Variants in DNAJC3 observed in about 807,000 individuals in gnomAD.
DNAJC3 encodes the protein dnaJ homolog subfamily C member 3.
Under a neutral mutation model 68.6 loss-of-function variants are expected in DNAJC3, and 38 were observed. The ratio of observed to expected loss-of-function variants is 0.55; its 90% CI spans 0.43 to 0.73. The LOEUF is 0.73. Ranked by LOEUF, DNAJC3 falls within the 30% of genes least tolerant of loss-of-function variation. The pLI is 0.00. For missense variants in DNAJC3, 526 were observed against 591.9 expected (o/e 0.89, Z 1.16); for synonymous variants, 203 against 204.0 (o/e 1.00, Z 0.04).
chr13:95,778,547 A>C (rs1418227444), intron 9 of DNAJC3, among the ~76,000 whole-genome samples: 1 of 152,240 alleles, frequency 6.6e-6, no homozygotes, highest in Non-Finnish European at 1.5e-5. Context: ...CATAAGACAA[A>C]TTTTGAAGAC....
At chr13:95,679,818 A>G (rs768279046) in intron 1 of DNAJC3, among the ~76,000 whole-genome samples, 27 of 152,248 alleles carry the variant, frequency 1.8e-4, no homozygotes, top group Non-Finnish European at 3.7e-4. Context: ...ATACAATACA[A>G]TTCACTTTTA....
chr13:95,789,308 C>T (rs1010290314), intron 11 of DNAJC3, among the ~76,000 whole-genome samples: 1 of 152,270 alleles, frequency 6.6e-6, no homozygotes, highest in East Asian at 1.9e-4. Flanking sequence ...TCCCTCCTCC[C>T]ACCCTTCACC....
intron 4 of DNAJC3, among the ~76,000 whole-genome samples, chr13:95,749,737 A>C (rs1298292295): frequency 6.6e-6 from 1 of 151,970 alleles, no homozygotes; most frequent in East Asian, 2.0e-4. Context: ...GAGTCACAGC[A>C]TAAAGTGCTA....
chr13:95,682,157 T>C (rs1258988925), intron 1 of DNAJC3, among the ~76,000 whole-genome samples: 1 of 152,242 alleles, frequency 6.6e-6, no homozygotes, highest in Non-Finnish European at 1.5e-5. Context: ...GAACTTCCTG[T>C]ACTATCTTTC....
At chr13:95,745,826 C>T (rs1326745363) in intron 4 of DNAJC3, 2 of 152,134 alleles carry the variant, frequency 1.3e-5, no homozygotes, top group Non-Finnish European at 2.9e-5. Context: ...ATTCAATACA[C>T]TTTGAAGAAA....
chr13:95,694,549 C>A (rs939993060), intron 1 of DNAJC3: 3 of 152,528 alleles, frequency 2.0e-5, no homozygotes, highest in African/African-American at 7.2e-5. Flanking sequence ...AATCATTGTA[C>A]TTCAACTATA....
At chr13:95,720,954 C>A (rs1881303443) in intron 2 of DNAJC3, among the ~76,000 whole-genome samples, 1 of 151,384 alleles carries the variant, frequency 6.6e-6, no homozygotes, top group Non-Finnish European at 1.5e-5. Context: ...GTGTACAATT[C>A]AGTGGCATTG....
chr13:95,717,607 A>G (rs1418993453), intron 2 of DNAJC3, among the ~76,000 whole-genome samples: 2 of 152,158 alleles, frequency 1.3e-5, no homozygotes, highest in African/African-American at 2.4e-5. Context: ...CATAATTCCC[A>G]CATGTTGTTG....
At chr13:95,684,627 A>G (rs1880022189) in intron 1 of DNAJC3, among the ~76,000 whole-genome samples, 1 of 152,196 alleles carries the variant, frequency 6.6e-6, no homozygotes, top group African/African-American at 2.4e-5. Flanking sequence ...AGACAATGGG[A>G]AAAAGGGCTC....
intron 1 of DNAJC3, chr13:95,692,976 G>A (rs1880320419): frequency 6.6e-6 from 1 of 152,112 alleles, no homozygotes; most frequent in Admixed American, 6.5e-5. Flanking sequence ...GCCCGCCACT[G>A]GGCCCAGCTA....
intron 11 of DNAJC3, among the ~76,000 whole-genome samples, chr13:95,789,470 C>A (rs779065694): frequency 1.3e-5 from 2 of 152,192 alleles, no homozygotes; most frequent in Non-Finnish European, 2.9e-5. Context: ...CATGCCCCTG[C>A]AAGAGGACAT....
chr13:95,746,667 G>A (rs560849030), intron 4 of DNAJC3, among the ~76,000 whole-genome samples: 2 of 152,158 alleles, frequency 1.3e-5, no homozygotes, highest in Admixed American at 6.5e-5. Context: ...TATGTTCTTG[G>A]TTAAATGAGC....
intron 5 of DNAJC3, among the ~76,000 whole-genome samples, chr13:95,759,236 TTTTC>T (rs1032209170): frequency 4.6e-5 from 7 of 152,136 alleles, no homozygotes; most frequent in African/African-American, 1.4e-4. Context: ...TCACGGTATT[TTTTC>T]TTTCTTTCTT....
chr13:95,722,995 G>A (rs762367847), intron 2 of DNAJC3, among the ~76,000 whole-genome samples: 7 of 151,922 alleles, frequency 4.6e-5, no homozygotes, highest in Non-Finnish European at 8.8e-5. Context: ...TTTAAGAAAT[G>A]TAAAAAACAT....
intron 1 of DNAJC3, among the ~76,000 whole-genome samples, chr13:95,686,483 G>GTCT (rs999331070): frequency 5.3e-5 from 8 of 152,256 alleles, no homozygotes; most frequent in African/African-American, 1.9e-4. Flanking sequence ...TGTGTTTGGG[G>GTCT]TCTTCGTCAT....
At chr13:95,708,200 G>T (rs569973526) in intron 1 of DNAJC3, among the ~76,000 whole-genome samples, 1 of 152,296 alleles carries the variant, frequency 6.6e-6, no homozygotes, top group Middle Eastern at 3.4e-3. Flanking sequence ...TTGCTTCAGT[G>T]CCCTGTACTG....
chr13:95,779,346 G>C (rs187080211), intron 9 of DNAJC3, among the ~76,000 whole-genome samples: 55 of 151,964 alleles, frequency 3.6e-4, no homozygotes, highest in South Asian at 4.2e-4. Flanking sequence ...GGATGGTCTC[G>C]ATCTCCTGAC....
intron 1 of DNAJC3, among the ~76,000 whole-genome samples, chr13:95,690,800 C>G (rs1203472945): frequency 7.1e-6 from 1 of 141,832 alleles, no homozygotes; most frequent in Non-Finnish European, 1.5e-5. Context: ...GCTGACCCCC[C>G]CACCTCCCTC....
chr13:95,705,527 T>C (rs575649181), intron 1 of DNAJC3, among the ~76,000 whole-genome samples: 1 of 152,002 alleles, frequency 6.6e-6, no homozygotes, highest in East Asian at 1.9e-4. Flanking sequence ...TCTCTTTTTT[T>C]TTTTTTTAAT....
Sources: allele counts gnomAD v4.1 joint callset (sites outside exome capture counted in the v4.1 genomes callset), GRCh38; gene constraint gnomAD v4.1.1; transcripts MANE v1.5; gene names NCBI Gene and HGNC (gene_info 2026-07-23, HGNC 2026-07-21).